The following PALM2AKAP2 variants were observed in gnomAD, a reference collection of about 807,000 sequenced individuals.
PALM2AKAP2 encodes the protein PALM2 and AKAP2 fusion, also known as PALM2-AKAP2 fusion protein.
Under a neutral mutation model 71.5 loss-of-function variants are expected in PALM2AKAP2, and 37 were observed. The ratio of observed to expected loss-of-function variants is 0.52; its 90% CI spans 0.40 to 0.68. PALM2AKAP2 has a LOEUF of 0.68. Among genes scored for constraint, PALM2AKAP2 ranks in the 30% least tolerant of loss-of-function variants. The probability of loss-of-function intolerance (pLI) is 0.00; values close to 1 mark genes in which losing one functional copy is unlikely to be tolerated. For synonymous variants in PALM2AKAP2, 468 were observed against 478.8 expected, an observed-to-expected ratio of 0.98 and a Z score of 0.29; for missense variants, 1,224 against 1,191.8, an observed-to-expected ratio of 1.03 and a Z score of -0.40.
At chr9:110,059,350 A>G (rs1833913250) in intron 1 of PALM2AKAP2, among the ~76,000 whole-genome samples, 1 of 152,196 alleles carries the variant, frequency 6.6e-6, no homozygotes, top group South Asian at 2.1e-4. Flanking sequence ...ACAGAATTCT[A>G]AAACAGAGTT....
intron 2 of PALM2AKAP2, 28 bp downstream of exon 8, chr9:110,138,567 A>G (rs765789312): frequency 1.8e-5 from 28 of 1,548,132 alleles, no homozygotes; most frequent in Non-Finnish European, 2.1e-5. Context: ...CATGAGAGAC[A>G]GATGCCACAG....
At chr9:109,803,482 C>A (rs1207994530) in intron 1 of PALM2AKAP2, among the ~76,000 whole-genome samples, 1 of 152,204 alleles carries the variant, frequency 6.6e-6, no homozygotes, top group East Asian at 1.9e-4. Flanking sequence ...CCCTCAAGAT[C>A]ATCTAGACCC....
At chr9:109,781,646 C>T (rs566943790) in intron 1 of PALM2AKAP2, among the ~76,000 whole-genome samples, 1 of 152,288 alleles carries the variant, frequency 6.6e-6, no homozygotes, top group Admixed American at 6.5e-5. Flanking sequence ...ACATGGTCTC[C>T]AAGGCTCTGA....
chr9:110,149,681 G>A (rs1164296027), intron 2 of PALM2AKAP2, among the ~76,000 whole-genome samples: 1 of 152,214 alleles, frequency 6.6e-6, no homozygotes, highest in Admixed American at 6.5e-5. Flanking sequence ...GCCAGGCACA[G>A]TGGCTCATGC....
At chr9:109,701,186 T>G (rs901814316) in intron 1 of PALM2AKAP2, among the ~76,000 whole-genome samples, 2 of 152,208 alleles carry the variant, frequency 1.3e-5, no homozygotes, top group Non-Finnish European at 2.9e-5. Flanking sequence ...ATTTATAGAT[T>G]CAATGCCATC....
At chr9:109,743,321 A>C (rs1273496955) in intron 1 of PALM2AKAP2, among the ~76,000 whole-genome samples, 1 of 152,198 alleles carries the variant, frequency 6.6e-6, no homozygotes, top group Admixed American at 6.5e-5. Context: ...TTTCATGCAC[A>C]GGGTGTTGAG....
At chr9:109,793,137 T>G (rs576456813) in intron 1 of PALM2AKAP2, among the ~76,000 whole-genome samples, 72 of 152,308 alleles carry the variant, frequency 4.7e-4, no homozygotes, top group South Asian at 1.0e-3. Flanking sequence ...AGGATAAGAG[T>G]GCTTTCTATA....
At chr9:109,949,122 T>A (rs1432169636) in intron 6 of PALM2AKAP2, among the ~76,000 whole-genome samples, 5 of 152,218 alleles carry the variant, frequency 3.3e-5, no homozygotes, top group African/African-American at 1.2e-4. Context: ...AGGTTGGGAT[T>A]TACTTCTGCC....
chr9:110,079,316 C>T (rs113446851), intron 1 of PALM2AKAP2, among the ~76,000 whole-genome samples: 17,462 of 151,444 alleles, frequency 0.12, 1,066 homozygotes, highest in Middle Eastern at 0.22. Flanking sequence ...GCCAACGTGG[C>T]GAAACCTCCA....
At chr9:109,793,268 A>C (rs1381057988) in intron 1 of PALM2AKAP2, among the ~76,000 whole-genome samples, 1 of 152,262 alleles carries the variant, frequency 6.6e-6, no homozygotes, top group Non-Finnish European at 1.5e-5. Context: ...AAATTGGTTC[A>C]TGTTACAGCC....
chr9:109,780,600 C>A, intron 1 of PALM2AKAP2, 67 bp downstream of exon 1: 1 of 1,601,690 alleles, frequency 6.2e-7, no homozygotes, highest in South Asian at 1.1e-5. Flanking sequence ...CCGAGGGTTT[C>A]GGGGCAAGCG....
chr9:109,861,832 A>G (rs780487163), intron 1 of PALM2AKAP2, among the ~76,000 whole-genome samples: 2 of 152,202 alleles, frequency 1.3e-5, no homozygotes, highest in African/African-American at 4.8e-5. Context: ...CTGATGGCCA[A>G]TGTGTTTTTA....
At chr9:110,133,654 A>G (rs1835783007) in intron 1 of PALM2AKAP2, among the ~76,000 whole-genome samples, 1 of 151,840 alleles carries the variant, frequency 6.6e-6, no homozygotes, top group Admixed American at 6.6e-5. Flanking sequence ...CTGATTTCCC[A>G]CTACCCTCCG....
intron 1 of PALM2AKAP2, among the ~76,000 whole-genome samples, chr9:110,053,852 G>GAA (rs1267290440): frequency 1.3e-5 from 2 of 152,216 alleles, no homozygotes; most frequent in Non-Finnish European, 1.5e-5. Context: ...GAAGGAGAGA[G>GAA]ACCTGTGGAA....
chr9:109,743,659 A>T (rs968622700), intron 1 of PALM2AKAP2, among the ~76,000 whole-genome samples: 12 of 152,208 alleles, frequency 7.9e-5, no homozygotes, highest in Non-Finnish European at 1.3e-4. Context: ...AGTTTCAAAA[A>T]TTTTCAAAAT....
intron 1 of PALM2AKAP2, among the ~76,000 whole-genome samples, chr9:110,052,028 A>G (rs566821036): frequency 6.6e-6 from 1 of 151,518 alleles, no homozygotes; most frequent in East Asian, 1.9e-4. Context: ...TCAGCCTCCC[A>G]AATAGCTGAG....
intron 6 of PALM2AKAP2, among the ~76,000 whole-genome samples, chr9:109,976,086 C>T (rs1199601442): frequency 6.6e-6 from 1 of 152,144 alleles, no homozygotes; most frequent in Non-Finnish European, 1.5e-5. Context: ...GTGTAGTGTG[C>T]CTGTTTAAAT....
chr9:110,011,617 A>G (rs1259722424), intron 6 of PALM2AKAP2, among the ~76,000 whole-genome samples: 1 of 152,212 alleles, frequency 6.6e-6, no homozygotes, highest in Non-Finnish European at 1.5e-5. Context: ...AGATGTATAA[A>G]CATCTTCCTA....
intron 1 of PALM2AKAP2, among the ~76,000 whole-genome samples, chr9:110,114,550 A>G (rs1835321298): frequency 6.6e-6 from 1 of 152,246 alleles, no homozygotes; most frequent in South Asian, 2.1e-4. Flanking sequence ...AATCCCTTGC[A>G]TAAGCATCAC....
Sources: gnomAD v4.1 joint callset for allele counts (sites outside exome capture counted in the v4.1 genomes callset) on GRCh38, gnomAD v4.1.1 for gene constraint, MANE v1.5 for transcripts, NCBI Gene and HGNC (gene_info 2026-07-23, HGNC 2026-07-21) for gene names.